CNTNAP2: variants seen among roughly 807,000 people sequenced by gnomAD.
The protein encoded by CNTNAP2 is contactin associated protein 2, also known as contactin-associated protein-like 2.
CNTNAP2 carries 98 observed loss-of-function variants against 155.2 expected under a neutral mutation model. That is an observed-to-expected ratio of 0.63 (90% CI 0.54 to 0.75). The LOEUF (loss-of-function observed/expected upper bound fraction) is 0.75. Among genes scored for constraint, CNTNAP2 ranks in the 30% least tolerant of loss-of-function variants. The probability of loss-of-function intolerance (pLI) is 0.00; values close to 1 mark genes in which losing one functional copy is unlikely to be tolerated. For synonymous variants in CNTNAP2, 651 were observed against 631.2 expected, an observed-to-expected ratio of 1.03 and a Z score of -0.47; for missense variants, 1,727 against 1,688.1, an observed-to-expected ratio of 1.02 and a Z score of -0.40.
chr7:147,526,022 A>G (rs1191841756), intron 11 of CNTNAP2, among the ~76,000 whole-genome samples: 2 of 151,820 alleles, frequency 1.3e-5, no homozygotes, highest in Non-Finnish European at 2.9e-5. Context: ...GTGAAACCCC[A>G]TCTGTACTAA....
rs1795473574 is a variant in CNTNAP2 at position 146,878,452 on chromosome 7, T to G, written c.402+38548T>G. Among the ~76,000 whole-genome samples, 3 of 152,152 alleles carry G rather than the reference T, an allele frequency of 2.0e-5. No individual in the cohort carries two copies. In the South Asian group the frequency reaches 6.2e-4, roughly 32 times the overall value. ...TTTCCCACAAGTACTCTTGAGTTTT[T>G]TTTTTTAATAAGATTATACCAGCCC... is the stretch of plus-strand genomic sequence containing the variant. On this transcript the variant is annotated intron_variant, in intron 3 of 23. Transcript: ENST00000361727.
intron 13 of CNTNAP2, among the ~76,000 whole-genome samples, chr7:147,661,576 G>A (rs886174129): frequency 3.0e-4 from 44 of 148,842 alleles, no homozygotes; most frequent in African/African-American, 6.7e-4. Context: ...TTTTTTAGAC[G>A]GAGTCTTGCT....
intron 3 of CNTNAP2, among the ~76,000 whole-genome samples, chr7:146,863,172 A>T (rs1214309443): frequency 1.3e-5 from 2 of 152,166 alleles, no homozygotes; most frequent in Admixed American, 6.5e-5. Flanking sequence ...GTGACAAAAA[A>T]TTTTTCATAT....
At chr7:147,564,106 G>C (rs1412967450) in intron 12 of CNTNAP2, among the ~76,000 whole-genome samples, 1 of 152,094 alleles carries the variant, frequency 6.6e-6, no homozygotes, top group Non-Finnish European at 1.5e-5. Flanking sequence ...GAGGTTCGAG[G>C]CTGCAGTGAG....
At chr7:147,575,107 ATG>A (rs754922892) in intron 12 of CNTNAP2, among the ~76,000 whole-genome samples, 25,078 of 93,470 alleles carry the variant, frequency 0.27, 3,150 homozygotes, top group East Asian at 0.49. Context: ...TTTGTGGGAA[ATG>A]TGTGTGTGTG....
At chr7:146,258,136 C>T (rs1316161154) in intron 1 of CNTNAP2, among the ~76,000 whole-genome samples, 2 of 152,174 alleles carry the variant, frequency 1.3e-5, no homozygotes, top group Non-Finnish European at 2.9e-5. Flanking sequence ...AAGTGATCCA[C>T]CTGCCTCGCC....
intron 3 of CNTNAP2, among the ~76,000 whole-genome samples, chr7:146,860,684 TAAAG>T (rs1795080711): frequency 6.6e-6 from 1 of 151,876 alleles, no homozygotes; most frequent in Admixed American, 6.6e-5. Flanking sequence ...TGTCTTAACC[TAAAG>T]AAAGCATCTA....
chr7:147,881,214 C>A (rs1799514976), intron 13 of CNTNAP2, among the ~76,000 whole-genome samples: 1 of 152,092 alleles, frequency 6.6e-6, no homozygotes, highest in African/African-American at 2.4e-5. Context: ...TGTTGAAAGG[C>A]CAAAGAGTGA....
At chr7:146,192,330 C>A (rs1335543841) in intron 1 of CNTNAP2, among the ~76,000 whole-genome samples, 3 of 152,154 alleles carry the variant, frequency 2.0e-5, no homozygotes, top group Admixed American at 1.3e-4. Flanking sequence ...CTTTTCACAA[C>A]ATACTGCTAA....
At chr7:147,579,262 C>A (rs1163984444) in intron 12 of CNTNAP2, among the ~76,000 whole-genome samples, 1 of 152,076 alleles carries the variant, frequency 6.6e-6, no homozygotes, top group African/African-American at 2.4e-5. Context: ...TCTTTGTTAT[C>A]TCCCAGGTAC....
chr7:147,652,145 C>T (rs1795459418), intron 13 of CNTNAP2, among the ~76,000 whole-genome samples: 1 of 152,170 alleles, frequency 6.6e-6, no homozygotes, highest in African/African-American at 2.4e-5. Flanking sequence ...GATAAGACTT[C>T]TCTGAAATAC....
At chr7:146,307,393 T>G (rs1022452538) in intron 1 of CNTNAP2, among the ~76,000 whole-genome samples, 43 of 152,136 alleles carry the variant, frequency 2.8e-4, no homozygotes, top group Non-Finnish European at 4.9e-4. Context: ...TTGTGAAAAT[T>G]GCCATACTGC....
intron 3 of CNTNAP2, among the ~76,000 whole-genome samples, chr7:146,984,708 T>C (rs1798086198): frequency 6.6e-6 from 1 of 152,198 alleles, no homozygotes; most frequent in Non-Finnish European, 1.5e-5. Context: ...ATTAAGTTTA[T>C]TTTTATAGTA....
chr7:147,955,923 C>A (rs1801010574), intron 14 of CNTNAP2, among the ~76,000 whole-genome samples: 1 of 152,164 alleles, frequency 6.6e-6, no homozygotes, highest in African/African-American at 2.4e-5. Context: ...TGACTATAAT[C>A]AAACCACAGT....
intron 22 of CNTNAP2, among the ~76,000 whole-genome samples, chr7:148,402,385 TACATGCC>T (rs549655215): frequency 2.1e-3 from 317 of 152,274 alleles, no homozygotes; most frequent in African/African-American, 7.5e-3. Flanking sequence ...ATCATGTCAG[TACATGCC>T]ACATAATGCT....
At chr7:147,741,774 T>C in intron 13 of CNTNAP2, among the ~76,000 whole-genome samples, 1 of 152,220 alleles carries the variant, frequency 6.6e-6, no homozygotes, top group Admixed American at 6.5e-5. Context: ...AGTTAATCTC[T>C]CCATTCCTTT....
chr7:146,123,422 G>A (rs1262251664), intron 1 of CNTNAP2, among the ~76,000 whole-genome samples: 2 of 152,108 alleles, frequency 1.3e-5, no homozygotes, highest in Non-Finnish European at 1.5e-5. Flanking sequence ...ATGGTGATCT[G>A]GAAATGTGAA....
intron 1 of CNTNAP2, among the ~76,000 whole-genome samples, chr7:146,413,206 C>T (rs1795891102): frequency 6.6e-6 from 1 of 152,058 alleles, no homozygotes; most frequent in African/African-American, 2.4e-5. Context: ...GAGAAAGATG[C>T]AGGAAAGAAA....
At chr7:147,865,186 A>G (rs1446942136) in intron 13 of CNTNAP2, among the ~76,000 whole-genome samples, 1 of 152,126 alleles carries the variant, frequency 6.6e-6, no homozygotes, top group Non-Finnish European at 1.5e-5. Context: ...TGAGATTATC[A>G]TGTGTTTTTT....
Sources: allele counts gnomAD v4.1 joint callset (sites outside exome capture counted in the v4.1 genomes callset), GRCh38; gene constraint gnomAD v4.1.1; transcripts MANE v1.5; gene names NCBI Gene and HGNC (gene_info 2026-07-23, HGNC 2026-07-21).